The following BTBD16 variants were observed in gnomAD, a reference collection of about 807,000 sequenced individuals.
BTBD16 encodes BTB/POZ domain-containing protein 16.
Under a neutral mutation model 67.4 loss-of-function variants are expected in BTBD16, and 66 were observed. That is an observed-to-expected ratio of 0.98 (90% CI 0.80 to 1.20). BTBD16 has a LOEUF of 1.20. Ranked by LOEUF, BTBD16 falls within the 50% of genes most tolerant of loss-of-function variation. BTBD16 has a pLI of 0.00. For missense variants in BTBD16, 634 were observed against 616.0 expected, an observed-to-expected ratio of 1.03 and a Z score of -0.31; for synonymous variants, 242 against 236.4, an observed-to-expected ratio of 1.02 and a Z score of -0.22.
intron 6 of BTBD16, among the ~76,000 whole-genome samples, chr10:122,290,439 C>T (rs753219652): frequency 6.6e-6 from 1 of 152,210 alleles, no homozygotes; most frequent in Non-Finnish European, 1.5e-5. Context: ...CATCCCCTCA[C>T]AGCCACTCAT....
intron 15 of BTBD16, 94 bp downstream of exon 15, chr10:122,336,776 T>C: frequency 8.9e-7 from 1 of 1,119,878 alleles, no homozygotes; most frequent in South Asian, 1.9e-5. Flanking sequence ...TCCAGTGCTC[T>C]ACACTGAAGA....
At position 122,291,076 on chromosome 10, in the gene BTBD16, C is replaced by G. The variant is rs140767498; in HGVS notation, c.476-4C>G. 7.6e-5 allele frequency: 123 copies of G among 1,608,352 alleles called. No homozygotes were observed. The African/African-American group carries it at 1.5e-3, about 20-fold the overall frequency. ...AGATGGCTCGCTTGGCTGTGCCTCC[C>G]CAGCCTTCGCCACGGCCCTGAAGAA... is the stretch of plus-strand genomic sequence containing the variant. On this transcript the variant is annotated splice_polypyrimidine_tract_variant and splice_region_variant and intron_variant, in intron 6 of 15. Coordinates refer to ENST00000260723, the MANE Select transcript of BTBD16 (RefSeq NM_144587.5).
chr10:122,301,018 T>C (rs1474749043), intron 9 of BTBD16, among the ~76,000 whole-genome samples: 1 of 152,078 alleles, frequency 6.6e-6, no homozygotes, highest in Non-Finnish European at 1.5e-5. Context: ...AAGGAGACCA[T>C]ATTCTCTAGG....
At chr10:122,307,591 A>G (rs962291323) in intron 10 of BTBD16, among the ~76,000 whole-genome samples, 3 of 152,090 alleles carry the variant, frequency 2.0e-5, no homozygotes, top group Admixed American at 2.0e-4. Flanking sequence ...TCCTCTCTTC[A>G]GGAAAATGAC....
chr10:122,280,959 C>A (rs1207968618), intron 3 of BTBD16, among the ~76,000 whole-genome samples: 4 of 152,100 alleles, frequency 2.6e-5, no homozygotes, highest in Non-Finnish European at 5.9e-5. Flanking sequence ...ACATGGCCAC[C>A]ACATGCTGAA....
At position 122,307,263 on chromosome 10, in the gene BTBD16, T is replaced by C. The variant is rs763946650; in HGVS notation, c.866T>C (p.Ile289Thr). 3.1e-6 allele frequency: 5 copies of C among 1,609,892 alleles called. No individual in the cohort carries two copies. The highest frequency in any genetic ancestry group is 1.7e-5 in the Admixed American group (1 of 58,990). ...LWVFLQLNYK[I>T]QAIPTYETVM... ...GTCTTCTTGCAACTGAACTACAAGA[T>C]TCAGGCAATTCCGACTTATGAAACC... The change falls in exon 10 of 16, where the codon ATT (isoleucine) becomes ACT (threonine). Residue 289 changes from isoleucine to threonine, a missense_variant. Ile to Thr is a moderately conservative substitution (Grantham distance 89). Transcript: ENST00000260723.
intron 8 of BTBD16, 107 bp downstream of exon 8, chr10:122,297,944 T>C (rs141784125): frequency 0.013 from 12,019 of 913,698 alleles, 96 homozygotes; most frequent in Non-Finnish European, 0.017. Context: ...GAATATCTAT[T>C]TGAAGTCATC....
intron 13 of BTBD16, among the ~76,000 whole-genome samples, chr10:122,333,848 C>A (rs767898197): frequency 3.9e-5 from 6 of 152,036 alleles, no homozygotes; most frequent in Non-Finnish European, 7.4e-5. Context: ...CCACTGATGG[C>A]TTTTCCTTTA....
At chr10:122,280,153 T>C (rs2142048759) in intron 3 of BTBD16, among the ~76,000 whole-genome samples, 1 of 152,314 alleles carries the variant, frequency 6.6e-6, no homozygotes, top group East Asian at 1.9e-4. Flanking sequence ...CTAATCTTTT[T>C]GTGCCTTAGT....
chr10:122,330,954 A>G (rs1279699272), intron 11 of BTBD16, among the ~76,000 whole-genome samples: 1 of 152,164 alleles, frequency 6.6e-6, no homozygotes, highest in African/African-American at 2.4e-5. Context: ...TACGTTTTTA[A>G]AAGAGAATCG....
At chr10:122,318,310 T>G (rs1163714618) in intron 10 of BTBD16, among the ~76,000 whole-genome samples, 1 of 152,214 alleles carries the variant, frequency 6.6e-6, no homozygotes, top group South Asian at 2.1e-4. Flanking sequence ...TGTTGTTGCA[T>G]GTATCAGTAG....
At chr10:122,273,128 T>C (rs905146177) in intron 1 of BTBD16, among the ~76,000 whole-genome samples, 2 of 151,662 alleles carry the variant, frequency 1.3e-5, no homozygotes, top group Admixed American at 1.3e-4. Flanking sequence ...GGCAAGTGAA[T>C]TGGTATTAAC....
intron 11 of BTBD16, among the ~76,000 whole-genome samples, chr10:122,330,486 G>A (rs1294958089): frequency 1.3e-5 from 2 of 152,224 alleles, no homozygotes; most frequent in African/African-American, 4.8e-5. Flanking sequence ...GAGGGCCACT[G>A]ATGGCATTTC....
At chr10:122,282,024 C>T (rs1246585276) in intron 3 of BTBD16, among the ~76,000 whole-genome samples, 1 of 152,086 alleles carries the variant, frequency 6.6e-6, no homozygotes, top group East Asian at 1.9e-4. Context: ...TAAAATGAAC[C>T]ACAGCCCTTG....
chr10:122,314,461 G>A (rs550670963), intron 10 of BTBD16, among the ~76,000 whole-genome samples: 62 of 152,224 alleles, frequency 4.1e-4, no homozygotes, highest in African/African-American at 1.5e-3. Context: ...CTGTGATTGT[G>A]CCGATGCACT....
rs570846231 is a variant in BTBD16 at position 122,309,272 on chromosome 10, G to A, written c.911+1964G>A. 2.0e-5 allele frequency among the ~76,000 whole-genome samples: 3 copies of A among 151,870 alleles called. No individual in the cohort carries two copies. In the South Asian group the frequency reaches 6.3e-4, roughly 32 times the overall value. ...CTCCTGAGTAGGTGGGACTACAAGAGCATGTAGCCACATCTGGCTAATTTT... is the reference window on the plus strand; with the variant it reads ...CTCCTGAGTAGGTGGGACTACAAGAACATGTAGCCACATCTGGCTAATTTT... On this transcript the variant is annotated intron_variant, in intron 10 of 15. Transcript: ENST00000260723.
At position 122,291,060 on chromosome 10, in the gene BTBD16, G is replaced by A. The variant is rs11592545; in HGVS notation, c.476-20G>A. 0.13 allele frequency: 215,725 copies of A among 1,602,510 alleles called. 15,394 individuals carry two copies. The highest frequency in any genetic ancestry group is 0.26 in the East Asian group (11,417 of 44,550). ...GTGCAGAGCCCCACACAGATGGCTCGCTTGGCTGTGCCTCCCCAGCCTTCG... is the reference window on the plus strand; with the variant it reads ...GTGCAGAGCCCCACACAGATGGCTCACTTGGCTGTGCCTCCCCAGCCTTCG... On this transcript the variant is annotated intron_variant, in intron 6 of 15. Coordinates refer to ENST00000260723, the MANE Select transcript of BTBD16 (RefSeq NM_144587.5).
intron 13 of BTBD16, chr10:122,333,003 G>C (rs2096457681): frequency 2.0e-6 from 2 of 982,510 alleles, no homozygotes; most frequent in Admixed American, 1.2e-4. Context: ...AAGGCATCTT[G>C]GCACTTAGTG....
rs753828510 is a variant in BTBD16 at position 122,331,254 on chromosome 10, A to G, written c.1082A>G (p.His361Arg). Reference sequence around the variant, plus strand: ...GACCAGGTTACAGTCAACCATTACCACGCAGTGAGTTGCCTGCTCTGCAAG... The same window carrying G: ...GACCAGGTTACAGTCAACCATTACCGCGCAGTGAGTTGCCTGCTCTGCAAG... The part of the protein sequence containing the change: ...WLDQVTVNHY[H>R]ALENGGDMVH... The change falls in exon 12 of 16, where the codon CAC becomes CGC. Residue 361 changes from histidine (H) to arginine (R), a missense_variant. His to Arg is a conservative substitution (Grantham distance 29). Coordinates refer to ENST00000260723, the MANE Select transcript of BTBD16 (RefSeq NM_144587.5). 31 of 1,613,364 alleles carry G rather than the reference A, an allele frequency of 1.9e-5. No homozygotes were observed. Among genetic ancestry groups the G allele is most frequent in the Non-Finnish European group, 6.8e-6 (8 of 1,179,868 alleles).
Sources: allele counts gnomAD v4.1 joint callset (sites outside exome capture counted in the v4.1 genomes callset), GRCh38; gene constraint gnomAD v4.1.1; transcripts MANE v1.5; gene names NCBI Gene and HGNC (gene_info 2026-07-23, HGNC 2026-07-21).